Variants in NALF1 observed in about 807,000 individuals in gnomAD.
NALF1 encodes family with sequence similarity 155 member A.
A neutral mutation model predicts 48.4 loss-of-function variants in NALF1; 3 were observed. The observed-to-expected ratio is 0.06, with a 90% CI of 0.03 to 0.16. NALF1 has a LOEUF of 0.16. NALF1 is among the 10% of genes least tolerant of loss of function. NALF1 has a pLI of 1.00. For synonymous variants in NALF1, 262 were observed against 245.7 expected, an observed-to-expected ratio of 1.07 and a Z score of -0.62; for missense variants, 526 against 571.5, an observed-to-expected ratio of 0.92 and a Z score of 0.81.
chr13:107,353,488 CTGTT>C (rs377506058), intron 1 of NALF1, among the ~76,000 whole-genome samples: 88 of 152,286 alleles, frequency 5.8e-4, no homozygotes, highest in African/African-American at 1.7e-3. Flanking sequence ...CAAAAGCTGT[CTGTT>C]TGTTTGTCTT....
At chr13:107,496,441 T>A (rs1465775044) in intron 1 of NALF1, among the ~76,000 whole-genome samples, 1 of 152,166 alleles carries the variant, frequency 6.6e-6, no homozygotes, top group Non-Finnish European at 1.5e-5. Context: ...AAGCTATTGC[T>A]GAGACGGTGT....
chr13:107,227,492 C>A (rs1880130692), intron 1 of NALF1, among the ~76,000 whole-genome samples: 1 of 152,232 alleles, frequency 6.6e-6, no homozygotes, highest in African/African-American at 2.4e-5. Flanking sequence ...CTTGAACTTT[C>A]TGATCAAATA....
intron 1 of NALF1, among the ~76,000 whole-genome samples, chr13:107,840,085 T>C (rs1051554792): frequency 1.3e-5 from 2 of 152,190 alleles, no homozygotes; most frequent in Non-Finnish European, 1.5e-5. Context: ...CCTTTAGCAA[T>C]GCCACTGCGA....
At chr13:107,297,242 A>G (rs926999986) in intron 1 of NALF1, among the ~76,000 whole-genome samples, 1 of 152,090 alleles carries the variant, frequency 6.6e-6, no homozygotes, top group Admixed American at 6.5e-5. Flanking sequence ...TGTCTTTTTC[A>G]TTGTTTTTTA....
chr13:107,388,453 T>G (rs1883566759), intron 1 of NALF1, among the ~76,000 whole-genome samples: 1 of 152,208 alleles, frequency 6.6e-6, no homozygotes. Context: ...ATTCATATGT[T>G]TGTCCCAACA....
At chr13:107,202,338 A>G (rs1213377094) in intron 2 of NALF1, among the ~76,000 whole-genome samples, 1 of 150,056 alleles carries the variant, frequency 6.7e-6, no homozygotes, top group Non-Finnish European at 1.5e-5. Context: ...TATTTGAATG[A>G]TGTATAAATT....
chr13:107,296,415 T>A (rs1464253099), intron 1 of NALF1, among the ~76,000 whole-genome samples: 1 of 152,196 alleles, frequency 6.6e-6, no homozygotes, highest in Admixed American at 6.5e-5. Flanking sequence ...TACTGAATAT[T>A]CTTCAGTAAA....
chr13:107,478,436 C>T (rs955553288), intron 1 of NALF1, among the ~76,000 whole-genome samples: 3 of 151,938 alleles, frequency 2.0e-5, no homozygotes, highest in Non-Finnish European at 4.4e-5. Flanking sequence ...ATAAAATTTA[C>T]AAATAAAATA....
At chr13:107,578,955 G>C (rs1594139620) in intron 1 of NALF1, among the ~76,000 whole-genome samples, 3 of 152,264 alleles carry the variant, frequency 2.0e-5, no homozygotes, top group Non-Finnish European at 1.5e-5. Context: ...CCATCAGCAA[G>C]TCCATTTATT....
rs147526327 is a variant in NALF1 at position 107,771,248 on chromosome 13, T to TTGTGTGTGTGTGTGTGTGTG, written c.915+94433_915+94434insCACACACACACACACACACA. Among the ~76,000 whole-genome samples, 10 of 151,034 alleles carry TTGTGTGTGTGTGTGTGTGTG rather than the reference T, an allele frequency of 6.6e-5. No individual in the cohort carries two copies. In the East Asian group the frequency reaches 1.2e-3, roughly 18 times the overall value. ...TGGTTTGAGATGTTATTTTAACATG[T>TTGTGTGTGTGTGTGTGTGTG]TGTGTGTGTGTGTGTCAGTATATGA... is the stretch of plus-strand genomic sequence containing the variant. On this transcript the variant is annotated intron_variant, in intron 1 of 2. Coordinates refer to ENST00000375915, the MANE Select transcript of NALF1 (RefSeq NM_001080396.3).
intron 1 of NALF1, among the ~76,000 whole-genome samples, chr13:107,255,680 TAATGCTCACA>T (rs902571351): frequency 8.5e-5 from 13 of 152,244 alleles, no homozygotes; most frequent in African/African-American, 3.1e-4. Context: ...ATACAGTATC[TAATGCTCACA>T]AATGCTCATA....
At chr13:107,427,309 C>A (rs1237340021) in intron 1 of NALF1, among the ~76,000 whole-genome samples, 1 of 151,798 alleles carries the variant, frequency 6.6e-6, no homozygotes, top group African/African-American at 2.4e-5. Context: ...ATTTTGTATA[C>A]TTTTTAATAC....
intron 1 of NALF1, among the ~76,000 whole-genome samples, chr13:107,288,706 T>C (rs1881554507): frequency 6.6e-6 from 1 of 151,390 alleles, no homozygotes; most frequent in South Asian, 2.1e-4. Context: ...TAATTTTTTC[T>C]AGTTTTAGTA....
chr13:107,511,916 C>A (rs947997828), intron 1 of NALF1, among the ~76,000 whole-genome samples: 1 of 152,178 alleles, frequency 6.6e-6, no homozygotes, highest in African/African-American at 2.4e-5. Flanking sequence ...AAAGCAGTTA[C>A]CCCAAGCACA....
intron 1 of NALF1, among the ~76,000 whole-genome samples, chr13:107,417,026 C>T (rs1884102039): frequency 6.6e-6 from 1 of 152,218 alleles, no homozygotes; most frequent in Non-Finnish European, 1.5e-5. Flanking sequence ...AACTTTCATT[C>T]AGTCAATGTG....
chr13:107,751,954 A>G (rs1045921065), intron 1 of NALF1, among the ~76,000 whole-genome samples: 38 of 152,122 alleles, frequency 2.5e-4, no homozygotes, highest in African/African-American at 8.9e-4. Flanking sequence ...TAAATTTTAC[A>G]TATTGCAAAG....
chr13:107,615,247 C>T (rs573574167), intron 1 of NALF1, among the ~76,000 whole-genome samples: 167 of 152,240 alleles, frequency 1.1e-3, no homozygotes, highest in Non-Finnish European at 1.7e-3. Context: ...TCTGAAGATG[C>T]CTGTCCTCTC....
intron 1 of NALF1, among the ~76,000 whole-genome samples, chr13:107,813,119 A>C (rs2138608543): frequency 6.6e-6 from 1 of 152,300 alleles, no homozygotes; most frequent in Admixed American, 6.5e-5. Flanking sequence ...AAGATTAGCA[A>C]GTTTCTTATT....
At chr13:107,697,982 T>C (rs960232264) in intron 1 of NALF1, among the ~76,000 whole-genome samples, 1 of 152,174 alleles carries the variant, frequency 6.6e-6, no homozygotes, top group African/African-American at 2.4e-5. Context: ...CACATGCAAC[T>C]GAATTATATA....
Sources: allele counts gnomAD v4.1 joint callset (sites outside exome capture counted in the v4.1 genomes callset), GRCh38; gene constraint gnomAD v4.1.1; transcripts MANE v1.5; gene names NCBI Gene and HGNC (gene_info 2026-07-23, HGNC 2026-07-21).